Variants in SRBD1 observed in about 807,000 individuals in gnomAD.
The protein encoded by SRBD1 is S1 RNA-binding domain-containing protein 1.
Under a neutral mutation model 115.3 loss-of-function variants are expected in SRBD1, and 88 were observed. The observed-to-expected ratio is 0.76, with a 90% CI of 0.64 to 0.91. SRBD1 has a LOEUF of 0.91. Ranked by LOEUF, SRBD1 falls within the 40% of genes least tolerant of loss-of-function variation. The pLI is 0.00. For synonymous variants in SRBD1, 509 were observed against 407.7 expected, an observed-to-expected ratio of 1.25 and a Z score of -2.99; for missense variants, 1,385 against 1,177.4, an observed-to-expected ratio of 1.18 and a Z score of -2.58.
intron 14 of SRBD1, among the ~76,000 whole-genome samples, chr2:45,525,189 T>G (rs1671404569): frequency 6.6e-6 from 1 of 152,016 alleles, no homozygotes; most frequent in Non-Finnish European, 1.5e-5. Flanking sequence ...TATTAAACTC[T>G]TAGAAGAAAA....
chr2:45,456,478 C>A (rs1361844957), intron 16 of SRBD1, among the ~76,000 whole-genome samples: 4 of 151,806 alleles, frequency 2.6e-5, no homozygotes, highest in African/African-American at 7.3e-5. Context: ...AATGTTTATT[C>A]AGAATTGAGG....
chr2:45,453,792 G>C (rs1367764946), intron 16 of SRBD1, among the ~76,000 whole-genome samples: 4 of 151,838 alleles, frequency 2.6e-5, no homozygotes, highest in Admixed American at 1.3e-4. Flanking sequence ...AGAGAGACTA[G>C]AGAAAAAGTT....
intron 2 of SRBD1, among the ~76,000 whole-genome samples, chr2:45,604,573 C>T (rs1674207478): frequency 6.6e-6 from 1 of 152,182 alleles, no homozygotes; most frequent in Non-Finnish European, 1.5e-5. Flanking sequence ...CACTGGTCTT[C>T]TTGCTGTTCC....
At chr2:45,471,798 A>G (rs1243641595) in intron 16 of SRBD1, among the ~76,000 whole-genome samples, 1 of 152,172 alleles carries the variant, frequency 6.6e-6, no homozygotes, top group Non-Finnish European at 1.5e-5. Context: ...GGCTCTTTAC[A>G]TATTTTATGT....
intron 4 of SRBD1, among the ~76,000 whole-genome samples, chr2:45,586,160 A>G (rs1449706920): frequency 2.0e-5 from 3 of 152,236 alleles, no homozygotes; most frequent in Admixed American, 1.3e-4. Context: ...CAATTTGGCA[A>G]TATCTATGAA....
At position 45,599,446 on chromosome 2, in the gene SRBD1, T is replaced by A. The variant is rs766646308; in HGVS notation, c.648+3A>T. ...TAAAGTGACAGAAAAAGGCTGCACA[T>A]ACCTGTACCATGTCCCAATTCATTT... is the stretch of plus-strand genomic sequence containing the variant. On this transcript the variant is annotated splice_donor_region_variant and intron_variant, in intron 4 of 20. Transcript: ENST00000263736. The A allele has an allele frequency of 6.2e-7, 1 of 1,611,812 alleles. No homozygotes were observed.
Position 45,585,619 on chromosome 2 carries a change from T to A in SRBD1, c.804A>T (p.Leu268=). ...ADSLREVQQT[L]EELRAVAKKV... Reference sequence around the variant, plus strand: ...TTTAGGTTTCTTACCGTAGCTCTTCTAGGGTTTGCTGAACTTCTCTCAAGG... The same window carrying A: ...TTTAGGTTTCTTACCGTAGCTCTTCAAGGGTTTGCTGAACTTCTCTCAAGG... The change falls in exon 5 of 21, where the codon CTA becomes CTT. Residue 268 remains leucine (L), a synonymous_variant. Transcript: ENST00000263736. 3.1e-6 allele frequency: 5 copies of A among 1,611,064 alleles called. No individual in the cohort carries two copies. The South Asian group carries it at 3.3e-5, about 11-fold the overall frequency.
chr2:45,491,883 G>A (rs1186354146), intron 14 of SRBD1, among the ~76,000 whole-genome samples: 2 of 152,088 alleles, frequency 1.3e-5, no homozygotes, highest in African/African-American at 4.8e-5. Context: ...ATGCAATGGC[G>A]CAATCTCGGC....
Position 45,389,372 on chromosome 2 carries a change from G to C in SRBD1, c.2926C>G (p.Gln976Glu). The C allele has an allele frequency of 6.2e-7, 1 of 1,613,980 alleles. No individual in the cohort carries two copies. The highest frequency in any genetic ancestry group is 1.1e-5 in the South Asian group (1 of 91,074). ...CGGGGGATGTCAATGTTGAGTACTT[G>C]GACTTCCACTCTTTCTCCGGGGCCC... Reference protein sequence around the residue: ...GLGPGERVEVQVLNIDIPRSR... With the variant: ...GLGPGERVEVEVLNIDIPRSR... The change falls in exon 21 of 21, where the codon CAA becomes GAA. Residue 976 changes from glutamine to glutamate, a missense_variant. Transcript: ENST00000263736.
intron 12 of SRBD1, among the ~76,000 whole-genome samples, chr2:45,548,401 C>T: frequency 6.6e-6 from 1 of 151,914 alleles, no homozygotes; most frequent in Non-Finnish European, 1.5e-5. Flanking sequence ...GAAGATATAA[C>T]TAGAGATTGA....
intron 4 of SRBD1, among the ~76,000 whole-genome samples, chr2:45,589,086 G>A (rs903266726): frequency 1.7e-4 from 26 of 152,224 alleles, no homozygotes; most frequent in African/African-American, 6.3e-4. Context: ...TGAACCCATA[G>A]TAGGTATTTA....
rs986867815 is a variant in SRBD1, at chr2:45,528,252, G to A, written c.1874+18480C>T. ...AACACCATGTGTTGGGTTAAGAAGC[G>A]AGTATCAAGAGACTATACATGAAAA... On this transcript the variant is annotated intron_variant, in intron 14 of 20. Transcript: ENST00000263736. Among the ~76,000 whole-genome samples, 21 of 151,874 alleles carry A rather than the reference G, an allele frequency of 1.4e-4. No homozygotes were observed. In the South Asian group the frequency reaches 2.1e-3, roughly 15 times the overall value.
At chr2:45,496,097 G>C (rs1157547203) in intron 14 of SRBD1, among the ~76,000 whole-genome samples, 2 of 152,194 alleles carry the variant, frequency 1.3e-5, no homozygotes, top group East Asian at 1.9e-4. Context: ...GAGCTGCACA[G>C]AGAATTGTGA....
At position 45,573,294 on chromosome 2, in the gene SRBD1, G is replaced by C; in HGVS notation, c.1218C>G (p.Ser406=). The part of the protein sequence containing the change: ...VCIQSSLAKV[S]SKKVNEKDVD... ...CATCTTTCTCATTTACCTTTTTTGA[G>C]GATACTTTTGCCAGAGATGACTGGA... The change falls in exon 9 of 21, where the codon TCC becomes TCG. Residue 406 remains serine (S), a synonymous_variant. Coordinates refer to ENST00000263736, the MANE Select transcript of SRBD1 (RefSeq NM_018079.5). 6.2e-7 allele frequency: 1 copy of C among 1,611,898 alleles called. No individual in the cohort carries two copies. The highest frequency in any genetic ancestry group is 2.2e-5 in the East Asian group (1 of 44,680).
intron 8 of SRBD1, 124 bp from the exon 9 acceptor site, chr2:45,573,466 C>T (rs1673083760): frequency 9.0e-7 from 1 of 1,116,122 alleles, no homozygotes; most frequent in Non-Finnish European, 1.2e-6. Context: ...TTTAATGATG[C>T]CCAGCTATGA....
At chr2:45,484,336 T>C (rs953475838) in intron 15 of SRBD1, among the ~76,000 whole-genome samples, 9 of 152,160 alleles carry the variant, frequency 5.9e-5, no homozygotes, top group Non-Finnish European at 8.8e-5. Flanking sequence ...TGTTGTCTCT[T>C]GTATTGGCAG....
At chr2:45,405,592 C>G (rs1341751080) in intron 19 of SRBD1, among the ~76,000 whole-genome samples, 1 of 152,030 alleles carries the variant, frequency 6.6e-6, no homozygotes, top group Non-Finnish European at 1.5e-5. Context: ...TGGGTAGAAT[C>G]ATCCAAGGAA....
At chr2:45,527,548 A>C (rs1377442998) in intron 14 of SRBD1, among the ~76,000 whole-genome samples, 2 of 149,432 alleles carry the variant, frequency 1.3e-5, no homozygotes, top group African/African-American at 4.9e-5. Flanking sequence ...ATGAGCAAAA[A>C]TAATAATTAT....
At chr2:45,391,611 A>G (rs1243160075) in intron 20 of SRBD1, among the ~76,000 whole-genome samples, 1 of 152,142 alleles carries the variant, frequency 6.6e-6, no homozygotes, top group Non-Finnish European at 1.5e-5. Context: ...TCAGTTCCAA[A>G]GTTTTTTTAA....
Sources: gnomAD v4.1 joint callset for allele counts (sites outside exome capture counted in the v4.1 genomes callset) on GRCh38, gnomAD v4.1.1 for gene constraint, MANE v1.5 for transcripts, NCBI Gene and HGNC (gene_info 2026-07-23, HGNC 2026-07-21) for gene names.